Variants in CCSER1 observed in about 807,000 individuals in gnomAD.
The protein encoded by CCSER1 is coiled-coil serine rich protein 1.
A neutral mutation model predicts 82.0 loss-of-function variants in CCSER1; 41 were observed. That is an observed-to-expected ratio of 0.50 (90% CI 0.39 to 0.65). The LOEUF is 0.65. Ranked by LOEUF, CCSER1 falls within the 30% of genes least tolerant of loss-of-function variation. The pLI, the probability that CCSER1 is intolerant of heterozygous loss-of-function variation, is 0.00. For synonymous variants in CCSER1, 414 were observed against 383.9 expected (o/e 1.08, Z -0.92); for missense variants, 1,119 against 1,064.2 (o/e 1.05, Z -0.72).
intron 9 of CCSER1, among the ~76,000 whole-genome samples, chr4:91,012,550 AC>A (rs1739081725): frequency 6.6e-6 from 1 of 151,402 alleles, no homozygotes; most frequent in Non-Finnish European, 1.5e-5. Flanking sequence ...AGGCTGCTTG[AC>A]CCCATGGATA....
chr4:91,006,892 T>C (rs532809034), intron 9 of CCSER1, among the ~76,000 whole-genome samples: 3 of 152,348 alleles, frequency 2.0e-5, no homozygotes, highest in Admixed American at 2.0e-4. Context: ...TTTCCTGTTC[T>C]GTATTATGTC....
chr4:91,215,448 C>A (rs1190220998), intron 10 of CCSER1, among the ~76,000 whole-genome samples: 1 of 152,040 alleles, frequency 6.6e-6, no homozygotes, highest in Non-Finnish European at 1.5e-5. Flanking sequence ...AGGTGAGGTC[C>A]CACAATAGTC....
At chr4:90,930,965 G>GAT (rs1399703086) in intron 9 of CCSER1, among the ~76,000 whole-genome samples, 1 of 107,036 alleles carries the variant, frequency 9.3e-6, no homozygotes, top group Non-Finnish European at 1.9e-5. Context: ...ATACATACAT[G>GAT]ATACATATAT....
intron 9 of CCSER1, among the ~76,000 whole-genome samples, chr4:91,048,990 G>A (rs1581423568): frequency 1.3e-5 from 2 of 152,226 alleles, no homozygotes; most frequent in Admixed American, 1.3e-4. Context: ...TAAAGTCTGG[G>A]ATACTTAAGG....
At chr4:90,580,616 C>T (rs1579283304) in intron 5 of CCSER1, among the ~76,000 whole-genome samples, 1 of 152,316 alleles carries the variant, frequency 6.6e-6, no homozygotes, top group East Asian at 1.9e-4. Context: ...AGCTCATTTC[C>T]TAGGAGCTGG....
chr4:90,213,779 A>G (rs1162569488), intron 1 of CCSER1, among the ~76,000 whole-genome samples: 1 of 152,178 alleles, frequency 6.6e-6, no homozygotes. Context: ...TGAATTTAGC[A>G]GTGGTCTTAG....
intron 7 of CCSER1, among the ~76,000 whole-genome samples, chr4:90,725,780 A>G (rs547400785): frequency 1.0e-3 from 154 of 152,010 alleles, no homozygotes; most frequent in Non-Finnish European, 1.8e-3. Context: ...TGAGAATTAT[A>G]TAACAAATAG....
At chr4:91,332,549 A>T (rs1747029247) in intron 10 of CCSER1, among the ~76,000 whole-genome samples, 1 of 151,720 alleles carries the variant, frequency 6.6e-6, no homozygotes, top group East Asian at 1.9e-4. Context: ...ATAGATACAT[A>T]TAATAAATTC....
chr4:91,116,110 G>T (rs1726567753), intron 10 of CCSER1, among the ~76,000 whole-genome samples: 1 of 151,738 alleles, frequency 6.6e-6, no homozygotes, highest in Non-Finnish European at 1.5e-5. Flanking sequence ...GCAGTGTTTG[G>T]TTTTTTGCCC....
At chr4:91,403,659 GTT>G (rs958227091) in intron 10 of CCSER1, among the ~76,000 whole-genome samples, 20 of 152,218 alleles carry the variant, frequency 1.3e-4, no homozygotes, top group African/African-American at 4.3e-4. Context: ...TAATCATGTG[GTT>G]TTTGTCTTTG....
chr4:91,516,382 G>A (rs1313060152), intron 10 of CCSER1, among the ~76,000 whole-genome samples: 2 of 152,064 alleles, frequency 1.3e-5, no homozygotes, highest in East Asian at 1.9e-4. Flanking sequence ...GTTGATTTTT[G>A]TATACGGTTC....
chr4:91,556,089 T>A (rs1425897765), intron 10 of CCSER1, among the ~76,000 whole-genome samples: 1 of 151,336 alleles, frequency 6.6e-6, no homozygotes, highest in Non-Finnish European at 1.5e-5. Context: ...ACATAACACA[T>A]ATGTGTTTCA....
At chr4:91,253,772 G>C (rs922502487) in intron 10 of CCSER1, among the ~76,000 whole-genome samples, 2 of 152,078 alleles carry the variant, frequency 1.3e-5, no homozygotes, top group Admixed American at 6.6e-5. Flanking sequence ...TCTGCTTCTG[G>C]GGAGGCCTCA....
chr4:90,504,966 T>G (rs1465640926), intron 5 of CCSER1, among the ~76,000 whole-genome samples: 1 of 152,034 alleles, frequency 6.6e-6, no homozygotes, highest in Admixed American at 6.6e-5. Context: ...GGGTTGCCAA[T>G]AGTGAACCCC....
intron 7 of CCSER1, among the ~76,000 whole-genome samples, chr4:90,762,704 T>G (rs116237417): frequency 0.012 from 1,899 of 152,266 alleles, 42 homozygotes; most frequent in African/African-American, 0.043. Context: ...ACCATACCAA[T>G]TTTTGTTTGA....
At position 90,192,980 on chromosome 4, in the gene CCSER1, A is replaced by G. The variant is rs1436622472; in HGVS notation, c.-42+65149A>G. ...TGCCCCACATATAACTGAATCTTAA[A>G]ATAAATTTTATTAGGATTCCTATTA... is the stretch of plus-strand genomic sequence containing the variant. On this transcript the variant is annotated intron_variant, in intron 1 of 10. Coordinates refer to ENST00000509176, the MANE Select transcript of CCSER1 (RefSeq NM_001145065.2). 2.0e-5 allele frequency among the ~76,000 whole-genome samples: 3 copies of G among 152,080 alleles called. No homozygotes were observed. In the East Asian group the frequency reaches 5.8e-4, roughly 29 times the overall value.
chr4:90,441,321 T>C (rs1759846019), intron 4 of CCSER1, among the ~76,000 whole-genome samples: 1 of 152,134 alleles, frequency 6.6e-6, no homozygotes, highest in Admixed American at 6.6e-5. Flanking sequence ...AAACAATAGA[T>C]ATTTATTTTC....
At chr4:91,400,742 A>T (rs149400756) in intron 10 of CCSER1, among the ~76,000 whole-genome samples, 1 of 151,652 alleles carries the variant, frequency 6.6e-6, no homozygotes, top group Non-Finnish European at 1.5e-5. Flanking sequence ...AAAATAAAGT[A>T]TCAACTGCTT....
intron 10 of CCSER1, among the ~76,000 whole-genome samples, chr4:91,205,116 A>G (rs1736233653): frequency 6.6e-6 from 1 of 151,772 alleles, no homozygotes. Context: ...CAATATGCAA[A>G]TATTTATTAA....
Sources: allele counts gnomAD v4.1 joint callset (sites outside exome capture counted in the v4.1 genomes callset), GRCh38; gene constraint gnomAD v4.1.1; transcripts MANE v1.5; gene names NCBI Gene and HGNC (gene_info 2026-07-23, HGNC 2026-07-21).